TMED2: variants seen among roughly 807,000 people sequenced by gnomAD.
TMED2 encodes the protein transmembrane p24 trafficking protein 2, also known as transmembrane emp24 domain-containing protein 2.
Under a neutral mutation model 17.5 loss-of-function variants are expected in TMED2, and 3 were observed. That is an observed-to-expected ratio of 0.17 (90% CI 0.08 to 0.44). The LOEUF (loss-of-function observed/expected upper bound fraction) is 0.44. Among genes scored for constraint, TMED2 ranks in the 20% least tolerant of loss-of-function variants. TMED2 has a pLI of 0.99. For missense variants in TMED2, 149 were observed against 254.8 expected (o/e 0.58, Z 2.83); for synonymous variants, 95 against 91.0 (o/e 1.04, Z -0.25).
chr12:123,596,831 C>T lies in TMED2; in HGVS notation c.*102C>T, dbSNP rs1593642526. 4 of 1,326,306 alleles carry T rather than the reference C, an allele frequency of 3.0e-6. No homozygotes were observed. In the East Asian group the frequency reaches 1.1e-4, roughly 35 times the overall value. The allele number at this position is 1,326,306 out of a possible 1,614,324, so 82.2% of individuals were successfully genotyped here. On this transcript the variant is annotated 3_prime_UTR_variant, in exon 4 of 4. Transcript: ENST00000262225. ...CTCCATTTTTATTTTCTGAACTGTA[C>T]ATTCACAACTTATGTTTCTTTGAGA...
At chr12:123,585,088 C>T (rs1038448077) in intron 1 of TMED2, 11 of 412,252 alleles carry the variant, frequency 2.7e-5, no homozygotes, top group Admixed American at 1.1e-4. Flanking sequence ...CGACGGGTTC[C>T]TGTTGGAACC....
intron 3 of TMED2, among the ~76,000 whole-genome samples, chr12:123,591,583 A>G (rs1009895578): frequency 5.3e-5 from 8 of 152,120 alleles, no homozygotes; most frequent in African/African-American, 1.9e-4. Context: ...AGAGACTGAG[A>G]CCATCCTGGC....
intron 2 of TMED2, chr12:123,587,524 C>T: frequency 9.5e-7 from 1 of 1,047,668 alleles, no homozygotes; most frequent in South Asian, 1.6e-5. Context: ...CTGGCATATA[C>T]TTTATTTGCT....
intron 3 of TMED2, among the ~76,000 whole-genome samples, chr12:123,593,638 C>G (rs1341497912): frequency 2.0e-5 from 3 of 152,126 alleles, no homozygotes; most frequent in African/African-American, 7.2e-5. Flanking sequence ...ATGGACTTGG[C>G]TGTACCCAGT....
intron 2 of TMED2, among the ~76,000 whole-genome samples, chr12:123,587,265 C>T (rs1953357439): frequency 2.0e-5 from 3 of 151,986 alleles, no homozygotes; most frequent in Non-Finnish European, 4.4e-5. Flanking sequence ...TCCCAAGTAG[C>T]GTCAGGCGTA....
At chr12:123,589,053 T>G (rs1953371544) in intron 2 of TMED2, among the ~76,000 whole-genome samples, 1 of 152,126 alleles carries the variant, frequency 6.6e-6, no homozygotes, top group East Asian at 1.9e-4. Context: ...CCAGGAAGGT[T>G]TCCTGGTGCT....
At chr12:123,585,171 C>G in intron 1 of TMED2, 1 of 237,840 alleles carries the variant, frequency 4.2e-6, no homozygotes, top group Non-Finnish European at 8.5e-6. Context: ...TCACAGTTAG[C>G]TGGTGGCGGG....
intron 2 of TMED2, among the ~76,000 whole-genome samples, chr12:123,588,890 A>C (rs754009834): frequency 9.2e-5 from 14 of 152,154 alleles, no homozygotes; most frequent in Non-Finnish European, 1.9e-4. Flanking sequence ...TTCCAAAGGG[A>C]AATTTCGAGT....
chr12:123,590,986 GAA>G (rs79667168), intron 3 of TMED2, among the ~76,000 whole-genome samples: 7 of 131,972 alleles, frequency 5.3e-5, no homozygotes, highest in African/African-American at 2.8e-5. Context: ...CTGTCTCAGG[GAA>G]AAAAAAAAAA....
rs571892808 is a variant in TMED2 at position 123,591,824 on chromosome 12, G to C, written c.481+1375G>C. Among the ~76,000 whole-genome samples the C allele has an allele frequency of 2.6e-5, 4 of 152,268 alleles. No homozygotes were observed. The East Asian group carries it at 5.8e-4, about 22-fold the overall frequency. On this transcript the variant is annotated intron_variant, in intron 3 of 3. Transcript: ENST00000262225. ...GAGCAAGGTATAGTGACGCATCTCT[G>C]TAGTCCCAGCTACTCAGGAGGCTGA...
chr12:123,584,847 G>C, intron 1 of TMED2, 31 bp downstream of exon 1: 3 of 1,600,824 alleles, frequency 1.9e-6, no homozygotes, highest in Non-Finnish European at 2.5e-6. Flanking sequence ...GCTGAGGCTT[G>C]GTCGCGTGGC....
At chr12:123,589,075 G>C (rs1953371635) in intron 2 of TMED2, among the ~76,000 whole-genome samples, 1 of 152,098 alleles carries the variant, frequency 6.6e-6, no homozygotes, top group African/African-American at 2.4e-5. Flanking sequence ...TTTCTCTCCT[G>C]CCTGTCTGTT....
In TMED2 at chr12:123,586,914, A is replaced by C; in HGVS notation, c.348A>C (p.Pro116=). 6.2e-7 allele frequency: 1 copy of C among 1,608,348 alleles called. No homozygotes were observed. The highest frequency in any genetic ancestry group is 8.5e-7 in the Non-Finnish European group (1 of 1,177,152). ...VMFTIDIGEA[P]KGQDMETEAH... ...TCACCATTGATATTGGGGAGGCTCC[A>C]AAAGGACAAGATATGGAAACAGAAG... The change falls in exon 2 of 4, where the codon CCA becomes CCC. Residue 116 remains proline, a synonymous_variant. Transcript: ENST00000262225.
intron 2 of TMED2, among the ~76,000 whole-genome samples, chr12:123,588,206 T>C (rs889112663): frequency 9.9e-5 from 15 of 152,126 alleles, no homozygotes; most frequent in African/African-American, 9.7e-5. Context: ...TGTTTTTTTT[T>C]TCCCCACAGT....
rs1477041841 is a variant in TMED2 at position 123,586,951 on chromosome 12, A to G, written c.373+12A>G. The G allele has an allele frequency of 1.9e-6, 3 of 1,572,462 alleles. No individual in the cohort carries two copies. The Admixed American group carries it at 5.5e-5, about 29-fold the overall frequency. On this transcript the variant is annotated intron_variant, in intron 2 of 3. Transcript: ENST00000262225. Reference sequence around the variant, plus strand: ...TATGGAAACAGAAGGTGAGATGAACATTCAGAAGATTTACATCACATTCCA... The same window carrying G: ...TATGGAAACAGAAGGTGAGATGAACGTTCAGAAGATTTACATCACATTCCA...
chr12:123,592,258 A>C (rs1953397674), intron 3 of TMED2, among the ~76,000 whole-genome samples: 1 of 152,046 alleles, frequency 6.6e-6, no homozygotes, highest in Middle Eastern at 3.2e-3. Context: ...TTTCTCTCTT[A>C]TCTTGTTGGG....
rs549544454 is a variant in TMED2 at position 123,596,837 on chromosome 12, C to T, written c.*108C>T. ...TTTTATTTTCTGAACTGTACATTCA[C>T]AACTTATGTTTCTTTGAGATTAATA... On this transcript the variant is annotated 3_prime_UTR_variant, in exon 4 of 4. Coordinates refer to ENST00000262225, the MANE Select transcript of TMED2 (RefSeq NM_006815.4). 96 of 1,303,506 alleles carry T rather than the reference C, an allele frequency of 7.4e-5. No individual in the cohort carries two copies. In the East Asian group the frequency reaches 2.4e-3, roughly 32 times the overall value. The allele number at this position is 1,303,506 out of a possible 1,614,324, so 80.7% of individuals were successfully genotyped here. A position where few individuals can be genotyped will look rare whatever the true frequency, so the allele number is the denominator to read the frequency against.
rs1464265650 is a variant in TMED2 at position 123,597,601 on chromosome 12, A to G, written c.*872A>G. The G allele has an allele frequency of 2.0e-5, 3 of 152,624 alleles. No homozygotes were observed. The highest frequency in any genetic ancestry group is 4.8e-5 in the African/African-American group (2 of 41,456). 9.5% of individuals were successfully genotyped at this position (152,624 alleles called of 1,614,324 possible). ...TTCATTTCATTGATATACAGCCACT[A>G]TTTTATTTTTGATCAGTGGCCTTTG... On this transcript the variant is annotated 3_prime_UTR_variant, in exon 4 of 4. Transcript: ENST00000262225.
chr12:123,588,794 C>A (rs1396540331), intron 2 of TMED2, among the ~76,000 whole-genome samples: 2 of 152,162 alleles, frequency 1.3e-5, no homozygotes, highest in Non-Finnish European at 2.9e-5. Context: ...TAGCGCCCCA[C>A]AGCATAGAAA....
Sources: gnomAD v4.1 joint callset for allele counts (sites outside exome capture counted in the v4.1 genomes callset) on GRCh38, gnomAD v4.1.1 for gene constraint, MANE v1.5 for transcripts, NCBI Gene and HGNC (gene_info 2026-07-23, HGNC 2026-07-21) for gene names.